Variants in MCOLN2 observed in about 807,000 individuals in gnomAD.
MCOLN2 encodes the protein mucolipin TRP cation channel 2, also known as mucolipin-2.
In MCOLN2, 57 loss-of-function variants were observed where a neutral mutation model predicts 67.5. That is an observed-to-expected ratio of 0.84 (90% CI 0.68 to 1.05). The LOEUF (loss-of-function observed/expected upper bound fraction) is 1.05, where lower values mean the gene tolerates loss of function less well. Among genes scored for constraint, MCOLN2 ranks in the 50% least tolerant of loss-of-function variants. MCOLN2 has a pLI of 0.00. For missense variants in MCOLN2, 620 were observed against 678.8 expected (o/e 0.91, Z 0.96); for synonymous variants, 246 against 233.3 (o/e 1.05, Z -0.50).
At chr1:84,949,788 A>G (rs1484693162) in intron 6 of MCOLN2, among the ~76,000 whole-genome samples, 2 of 151,270 alleles carry the variant, frequency 1.3e-5, no homozygotes, top group Non-Finnish European at 3.0e-5. Context: ...GGTTTAAAGA[A>G]AAAAAAAAAC....
chr1:84,926,673 T>C lies in MCOLN2; in HGVS notation c.*12A>G, dbSNP rs1442213253. ...TAAGGATGCCTGAACTTTAATCATC[T>C]TTAGCAGAACTTTAGCTAATAGGTA... On this transcript the variant is annotated 3_prime_UTR_variant, in exon 14 of 14. Coordinates refer to ENST00000370608, the MANE Select transcript of MCOLN2 (RefSeq NM_153259.4). The C allele has an allele frequency of 6.3e-7, 1 of 1,587,562 alleles. No homozygotes were observed. Among genetic ancestry groups the C allele is most frequent in the Admixed American group, 1.7e-5 (1 of 58,480 alleles).
chr1:84,946,759 C>T (rs539596677), intron 7 of MCOLN2, among the ~76,000 whole-genome samples: 22 of 152,300 alleles, frequency 1.4e-4, no homozygotes, highest in African/African-American at 4.8e-4. Context: ...ATCACAGGCA[C>T]AGTAAACAGA....
At chr1:84,950,033 C>T (rs1184660712) in intron 6 of MCOLN2, among the ~76,000 whole-genome samples, 2 of 151,992 alleles carry the variant, frequency 1.3e-5, no homozygotes, top group Non-Finnish European at 2.9e-5. Context: ...TTCAGAATAC[C>T]CCAGTATTGG....
In MCOLN2 at chr1:84,958,579, C is replaced by T. The variant is rs1648911925; in HGVS notation, c.361G>A (p.Val121Ile). 1.2e-6 allele frequency: 2 copies of T among 1,609,400 alleles called. No individual in the cohort carries two copies. Among genetic ancestry groups the T allele is most frequent in the Admixed American group, 3.4e-5 (2 of 58,362 alleles). The change falls in exon 3 of 14, where the codon GTA (valine) becomes ATA (isoleucine). Residue 121 changes from valine to isoleucine, a missense_variant. By Grantham distance (29) the Val-to-Ile change is conservative. Coordinates refer to ENST00000370608, the MANE Select transcript of MCOLN2 (RefSeq NM_153259.4). The stretch of plus-strand genomic sequence containing the variant: ...TCATAGGCATCCTCTTGAGTATATA[C>T]ACTGCAGCTGTAGTCATCTTCATCT... ...GTDEDDYSCS[V>I]YTQEDAYESI...
intron 1 of MCOLN2, among the ~76,000 whole-genome samples, chr1:84,984,394 T>C (rs1442215720): frequency 8.3e-6 from 1 of 119,892 alleles, no homozygotes; most frequent in African/African-American, 2.7e-5. Context: ...GAGACATCAA[T>C]GCTTTTGCAC....
At chr1:84,956,314 TA>T in intron 4 of MCOLN2, 116 bp downstream of exon 4, 1 of 960,528 alleles carries the variant, frequency 1.0e-6, no homozygotes, top group Non-Finnish European at 1.6e-6. Context: ...TGTCAGCCCC[TA>T]ACAGGTTAGC....
intron 9 of MCOLN2, among the ~76,000 whole-genome samples, chr1:84,938,671 C>T (rs1015220130): frequency 6.6e-6 from 1 of 152,158 alleles, no homozygotes; most frequent in African/African-American, 2.4e-5. Context: ...GGAGGAAGCA[C>T]CACAGGTAAG....
At chr1:84,968,689 T>C (rs1649502327) in intron 1 of MCOLN2, among the ~76,000 whole-genome samples, 1 of 152,210 alleles carries the variant, frequency 6.6e-6, no homozygotes. Context: ...TCAGAAAACA[T>C]AATCTCTCTG....
intron 7 of MCOLN2, among the ~76,000 whole-genome samples, chr1:84,943,531 T>A (rs1368267680): frequency 6.6e-6 from 1 of 150,994 alleles, no homozygotes; most frequent in African/African-American, 2.4e-5. Flanking sequence ...CAGACTGCGG[T>A]CAGAGTCTTC....
intron 13 of MCOLN2, among the ~76,000 whole-genome samples, chr1:84,927,831 G>A (rs564422785): frequency 6.6e-5 from 10 of 152,198 alleles, no homozygotes; most frequent in East Asian, 5.8e-4. Context: ...CATTGCCCAC[G>A]CTGATCTCAA....
At chr1:84,939,509 C>G in intron 9 of MCOLN2, 44 bp downstream of exon 9, 1 of 1,597,722 alleles carries the variant, frequency 6.3e-7, no homozygotes. Context: ...TGTGGCCATC[C>G]AGGAGAAGAT....
At chr1:84,994,743 T>G (rs1651063227) in intron 1 of MCOLN2, among the ~76,000 whole-genome samples, 1 of 152,194 alleles carries the variant, frequency 6.6e-6, no homozygotes, top group African/African-American at 2.4e-5. Context: ...TAAGGCTGTT[T>G]TGCTTCCTTA....
rs1557666022 is a variant in MCOLN2 at position 84,987,584 on chromosome 1, A to ACATAGATGTATACATCTATG, written c.77+9211_77+9212insCATAGATGTATACATCTATG. ...TGTATACATAGATGTATACATAGAT[A>ACATAGATGTATACATCTATG]TATACATATGTATATAGATGTATAT... On this transcript the variant is annotated intron_variant, in intron 1 of 13. Transcript: ENST00000370608. Among the ~76,000 whole-genome samples, 8 of 58,780 alleles carry ACATAGATGTATACATCTATG rather than the reference A, an allele frequency of 1.4e-4. 1 individual carries two copies. Among genetic ancestry groups the ACATAGATGTATACATCTATG allele is most frequent in the African/African-American group, 2.4e-4 (4 of 16,620 alleles). 38.6% of individuals were successfully genotyped at this position (58,780 alleles called of 152,430 possible).
At chr1:84,970,218 C>A (rs538583458) in intron 1 of MCOLN2, among the ~76,000 whole-genome samples, 3 of 152,128 alleles carry the variant, frequency 2.0e-5, no homozygotes, top group African/African-American at 7.2e-5. Context: ...ACACTGAATT[C>A]TCAGGCCCTT....
intron 2 of MCOLN2, among the ~76,000 whole-genome samples, chr1:84,963,309 TAC>T (rs1418932051): frequency 6.6e-6 from 1 of 152,188 alleles, no homozygotes; most frequent in Non-Finnish European, 1.5e-5. Flanking sequence ...GCACTGGTAA[TAC>T]AGTCACAGTT....
intron 1 of MCOLN2, among the ~76,000 whole-genome samples, chr1:84,975,805 T>A (rs569726338): frequency 2.2e-4 from 33 of 152,140 alleles, no homozygotes; most frequent in African/African-American, 7.9e-4. Context: ...AATTCAAAAT[T>A]CTATCAGATA....
At chr1:84,947,445 C>T (rs1648176833) in intron 6 of MCOLN2, among the ~76,000 whole-genome samples, 1 of 152,150 alleles carries the variant, frequency 6.6e-6, no homozygotes. Context: ...AGGACAGCAA[C>T]ATAGGAAGGG....
At chr1:84,982,734 C>T (rs1557662434) in intron 1 of MCOLN2, among the ~76,000 whole-genome samples, 1 of 152,070 alleles carries the variant, frequency 6.6e-6, no homozygotes, top group Non-Finnish European at 1.5e-5. Context: ...AACAAACAAA[C>T]AGAAAATACA....
At chr1:84,990,561 T>A (rs1051820508) in intron 1 of MCOLN2, among the ~76,000 whole-genome samples, 1 of 152,124 alleles carries the variant, frequency 6.6e-6, no homozygotes, top group African/African-American at 2.4e-5. Context: ...TGAAGATGTC[T>A]ATAACATATT....
Sources: gnomAD v4.1 joint callset for allele counts (sites outside exome capture counted in the v4.1 genomes callset) on GRCh38, gnomAD v4.1.1 for gene constraint, MANE v1.5 for transcripts, NCBI Gene and HGNC (gene_info 2026-07-23, HGNC 2026-07-21) for gene names.